FAM217A: variants seen among roughly 807,000 people sequenced by gnomAD.
FAM217A encodes the protein family with sequence similarity 217 member A.
FAM217A carries 13 observed loss-of-function variants against 18.5 expected under a neutral mutation model. That is an observed-to-expected ratio of 0.70 (90% CI 0.46 to 1.12). FAM217A has a LOEUF of 1.12. FAM217A is among the 50% of genes most tolerant of loss of function. The pLI is 0.00. For missense variants in FAM217A, 560 were observed against 575.4 expected (o/e 0.97, Z 0.27); for synonymous variants, 161 against 202.8 (o/e 0.79, Z 1.75).
upstream of FAM217A, among the ~76,000 whole-genome samples, chr6:4,081,500 A>T (rs1456738056): frequency 6.6e-6 from 1 of 151,968 alleles, no homozygotes; most frequent in Non-Finnish European, 1.5e-5. Context: ...TTTAGTAGAG[A>T]CGGGTTTTGC....
chr6:4,085,311 A>AAAATATATATATATATAT (rs377046907), intron 1 of FAM217A, among the ~76,000 whole-genome samples: 2 of 146,418 alleles, frequency 1.4e-5, no homozygotes, highest in Non-Finnish European at 3.0e-5. Context: ...TGTAAAAAAA[A>AAAATATATATATATATAT]ATATATATAT....
chr6:4,087,174 A>T, upstream of FAM217A: 7 of 507,128 alleles, frequency 1.4e-5, no homozygotes, highest in Non-Finnish European at 2.2e-5. Context: ...ACCAGATGGG[A>T]AAATACCACT....
chr6:4,079,278 G>C (rs1013260646), upstream of FAM217A: 1 of 160,886 alleles, frequency 6.2e-6, no homozygotes, highest in Non-Finnish European at 1.3e-5. Context: ...CCCGGCCGCC[G>C]GGCCCGCGGG....
intron 1 of FAM217A, among the ~76,000 whole-genome samples, chr6:4,077,737 C>T (rs1581891111): frequency 6.6e-6 from 1 of 152,162 alleles, no homozygotes; most frequent in Non-Finnish European, 1.5e-5. Context: ...AGATGAAATA[C>T]ACATTGGAAC....
chr6:4,081,071 C>G (rs1331107523), upstream of FAM217A, among the ~76,000 whole-genome samples: 4 of 152,134 alleles, frequency 2.6e-5, no homozygotes, highest in Non-Finnish European at 4.4e-5. Flanking sequence ...TGATATCTGC[C>G]CATATTCTAT....
chr6:4,077,374 A>T lies in FAM217A; in HGVS notation c.41T>A (p.Val14Glu), dbSNP rs2113875860. The T allele has an allele frequency of 1.2e-6, 2 of 1,614,202 alleles. No individual in the cohort carries two copies. The highest frequency in any genetic ancestry group is 1.6e-4 in the Middle Eastern group (1 of 6,062). Residue 14 changes from valine (V) to glutamate (E), a missense_variant, in exon 2 of 7, where the codon GTG (valine) becomes GAG (glutamate). Transcript: ENST00000274673. ...RNENCANSLR[V>E]SNISQENLSH... Reference sequence around the variant, plus strand: ...CCATACCTCCTGAGAGATGTTTGACACACGTAGGCTGTTAGCACAGTTCTC... The same window carrying T: ...CCATACCTCCTGAGAGATGTTTGACTCACGTAGGCTGTTAGCACAGTTCTC...
chr6:4,072,831 A>C (rs670932), intron 6 of FAM217A, among the ~76,000 whole-genome samples: 32,790 of 151,892 alleles, frequency 0.22, 3,723 homozygotes, highest in East Asian at 0.36. Context: ...TTTCATTAAT[A>C]TTGTGTGACT....
Position 4,069,404 on chromosome 6 carries a change from T to C in FAM217A, c.819A>G (p.Lys273=), listed in dbSNP as rs1327331920. ...AGGTTTCTGCAGGGTCCACTGTCAC[T>C]TTCCAATTGTCAGATTTGGAGAGGG... ...NLALSKSDNW[K]VTVDPAETSV... is the part of the protein sequence containing the mutation. The change falls in exon 7 of 7, where the codon AAA becomes AAG. Residue 273 remains lysine (K), a synonymous_variant. Transcript: ENST00000274673. 4 of 1,614,040 alleles carry C rather than the reference T, an allele frequency of 2.5e-6. No homozygotes were observed. Among genetic ancestry groups the C allele is most frequent in the Non-Finnish European group, 3.4e-6 (4 of 1,180,034 alleles).
rs1486426493 is a variant in FAM217A at position 4,073,453 on chromosome 6, G to A, written c.214C>T (p.His72Tyr). 6.2e-7 allele frequency: 1 copy of A among 1,613,188 alleles called. No individual in the cohort carries two copies. Residue 72 changes from histidine to tyrosine, a missense_variant, in exon 5 of 7, where the codon CAT becomes TAT. Coordinates refer to ENST00000274673, the MANE Select transcript of FAM217A (RefSeq NM_173563.3). ...CCCACCTGTGTACTTTTTTGACTAT[G>A]CACCGACAAATTAGGTTCTAGCATC... ...QLMLEPNLSVHSQKSTQNSKQ... is the reference protein window; with the variant it reads ...QLMLEPNLSVYSQKSTQNSKQ...
At position 4,068,822 on chromosome 6, in the gene FAM217A, C is replaced by T; in HGVS notation, c.1401G>A (p.Gly467=). The T allele has an allele frequency of 6.2e-7, 1 of 1,614,068 alleles. No homozygotes were observed. The highest frequency in any genetic ancestry group is 8.5e-7 in the Non-Finnish European group (1 of 1,179,994). Residue 467 remains glycine, a synonymous_variant, in exon 7 of 7, where the codon GGG becomes GGA. Transcript: ENST00000274673. ...TTTGTCGGTAAAGTTTCTTTTTGGT[C>T]CCAAAGTTTCTCTTCGGTGCCTTAA... The part of the protein sequence containing the change: ...EEIKAPKRNF[G]TKKKLYRQNI...
upstream of FAM217A, chr6:4,079,347 C>T (rs10080424): frequency 5.5e-5 from 12 of 217,510 alleles, 1 homozygote; most frequent in South Asian, 3.1e-4. Flanking sequence ...GCGCCCCGCC[C>T]GGCCTCCCCC....
At chr6:4,085,303 T>TA (rs879633358) in intron 1 of FAM217A, among the ~76,000 whole-genome samples, 262 of 142,134 alleles carry the variant, frequency 1.8e-3, no homozygotes, top group South Asian at 7.2e-3. Context: ...TTATTCATTG[T>TA]AAAAAAAAAT....
rs1239513139 is a variant in FAM217A, at chr6:4,069,329, A to G, written c.894T>C (p.His298=). ...TTGGCCTCTCTTTTTGAATAGTCAT[A>G]TGTTGTAATCGTTCTAGTTCCAGTA... The part of the protein sequence containing the change: ...TRLLELERLQ[H]MTIQKERPRL... The change falls in exon 7 of 7, where the codon CAT becomes CAC. Residue 298 remains histidine (H), a synonymous_variant. Coordinates refer to ENST00000274673, the MANE Select transcript of FAM217A (RefSeq NM_173563.3). 3 of 1,614,018 alleles carry G rather than the reference A, an allele frequency of 1.9e-6. No homozygotes were observed. Among genetic ancestry groups the G allele is most frequent in the Non-Finnish European group, 2.5e-6 (3 of 1,180,022 alleles).
At chr6:4,085,311 A>AAAAAAT (rs377046907) in intron 1 of FAM217A, among the ~76,000 whole-genome samples, 57 of 146,438 alleles carry the variant, frequency 3.9e-4, no homozygotes, top group South Asian at 8.6e-4. Flanking sequence ...TGTAAAAAAA[A>AAAAAAT]ATATATATAT....
At position 4,073,189 on chromosome 6, in the gene FAM217A, T is replaced by C. The variant is rs1011946508; in HGVS notation, c.302+86A>G. On this transcript the variant is annotated intron_variant, in intron 6 of 6. Transcript: ENST00000274673. ...AATACTATTTTCTTCTGGTTGTTCA[T>C]GGTCCTTGTATTTCAAATAGTTATC... 6.8e-6 allele frequency: 7 copies of C among 1,036,618 alleles called. No homozygotes were observed. The Admixed American group carries it at 1.4e-4, about 21-fold the overall frequency. The allele number at this position is 1,036,618 out of a possible 1,614,324, so 64.2% of individuals were successfully genotyped here.
intron 1 of FAM217A, among the ~76,000 whole-genome samples, chr6:4,085,311 A>AAAAAAAATATATATATAT (rs377046907): frequency 1.4e-4 from 21 of 146,438 alleles, no homozygotes; most frequent in East Asian, 8.1e-4. Context: ...TGTAAAAAAA[A>AAAAAAAATATATATATAT]ATATATATAT....
chr6:4,074,647 C>A lies in FAM217A; in HGVS notation c.75G>T (p.Trp25Cys), dbSNP rs767923057. ...SNISQENLSH[W>C]NLDSEVPVSE... is the part of the protein sequence containing the mutation. The stretch of plus-strand genomic sequence containing the variant: ...AAACAGGTACTTCTGAATCCAAATT[C>A]CAGTGAGATAAGTTCTAAAACAATA... Residue 25 changes from tryptophan (W) to cysteine (C), a missense_variant, in exon 3 of 7, where the codon TGG (tryptophan) becomes TGT (cysteine). Coordinates refer to ENST00000274673, the MANE Select transcript of FAM217A (RefSeq NM_173563.3). 6.2e-7 allele frequency: 1 copy of A among 1,610,336 alleles called. No individual in the cohort carries two copies. The highest frequency in any genetic ancestry group is 1.1e-5 in the South Asian group (1 of 90,970).
Position 4,073,436 on chromosome 6 carries a change from T to C in FAM217A, c.231A>G (p.Thr77=), listed in dbSNP as rs777647188. Reference sequence around the variant, plus strand: ...GGTATGAAGAATAAAATCCCACCTGTGTACTTTTTTGACTATGCACCGACA... The same window carrying C: ...GGTATGAAGAATAAAATCCCACCTGCGTACTTTTTTGACTATGCACCGACA... The part of the protein sequence containing the change: ...PNLSVHSQKS[T]QNSKQGIFQL... The change falls in exon 5 of 7, where the codon ACA becomes ACG. Residue 77 remains threonine, a synonymous_variant. Coordinates refer to ENST00000274673, the MANE Select transcript of FAM217A (RefSeq NM_173563.3). 6.2e-7 allele frequency: 1 copy of C among 1,612,556 alleles called. No homozygotes were observed. The highest frequency in any genetic ancestry group is 8.5e-7 in the Non-Finnish European group (1 of 1,179,270).
chr6:4,068,906 C>A lies in FAM217A; in HGVS notation c.1317G>T (p.Arg439Ser). The A allele has an allele frequency of 6.2e-7, 1 of 1,614,144 alleles. No individual in the cohort carries two copies. The highest frequency in any genetic ancestry group is 8.5e-7 in the Non-Finnish European group (1 of 1,180,012). Residue 439 changes from arginine to serine, a missense_variant, in exon 7 of 7, where the codon AGG (arginine) becomes AGT (serine). Transcript: ENST00000274673. ...GTATAGGTGAAACTGGCATTGGAGA[C>A]CTCCATGGCAGACATCTTGTGGAGA... is the stretch of plus-strand genomic sequence containing the variant. ...KMVSTRCLPW[R>S]SPMPVSPIPL...
Sources: gnomAD v4.1 joint callset for allele counts (sites outside exome capture counted in the v4.1 genomes callset) on GRCh38, gnomAD v4.1.1 for gene constraint, MANE v1.5 for transcripts, NCBI Gene and HGNC (gene_info 2026-07-23, HGNC 2026-07-21) for gene names.